The following POLG2 variants were observed in gnomAD, a reference collection of about 807,000 sequenced individuals.
POLG2 encodes DNA polymerase gamma 2, accessory subunit, also known as DNA polymerase subunit gamma-2.
A neutral mutation model predicts 56.5 loss-of-function variants in POLG2; 50 were observed. The ratio of observed to expected loss-of-function variants is 0.88; its 90% CI spans 0.71 to 1.12. POLG2 has a LOEUF of 1.12. Among genes scored for constraint, POLG2 ranks in the 50% most tolerant of loss-of-function variants. The pLI, the probability that POLG2 is intolerant of heterozygous loss-of-function variation, is 0.00. For missense variants in POLG2, 584 were observed against 583.3 expected, an observed-to-expected ratio of 1.00 and a Z score of -0.01; for synonymous variants, 226 against 222.6, an observed-to-expected ratio of 1.02 and a Z score of -0.14.
chr17:64,485,853 T>G lies in POLG2; in HGVS notation c.985A>C (p.Lys329Gln). Reference sequence around the variant, plus strand: ...GAGAGAACACAAGGAACCACATTTTTTCGTCCATCTCGGCCCTTCACAGAA... The same window carrying G: ...GAGAGAACACAAGGAACCACATTTTGTCGTCCATCTCGGCCCTTCACAGAA... The part of the protein sequence containing the change: ...VSKLHGRDGR[K>Q]NVVPCVLSVN... Residue 329 changes from lysine to glutamine, a missense_variant, in exon 5 of 8, where the codon AAA becomes CAA. Lys to Gln is a moderately conservative substitution (Grantham distance 53, BLOSUM62 1). Coordinates refer to ENST00000539111, the MANE Select transcript of POLG2 (RefSeq NM_007215.4). The G allele has an allele frequency of 6.2e-7, 1 of 1,614,154 alleles. No individual in the cohort carries two copies. Among genetic ancestry groups the G allele is most frequent in the East Asian group, 2.2e-5 (1 of 44,884 alleles).
Position 64,480,362 on chromosome 17 carries a change from G to GT in POLG2, c.1218dup (p.Leu407ThrfsTer27). On this transcript the variant is annotated frameshift_variant, in exon 7 of 8. Coordinates refer to ENST00000539111, the MANE Select transcript of POLG2 (RefSeq NM_007215.4). LOFTEE classifies it high-confidence loss of function. Reference sequence around the variant, plus strand: ...GGCCACACAGAAATCCCATTTTCTAGTAACTCATTAAATAGCCCTTGACAA... The same window carrying GT: ...GGCCACACAGAAATCCCATTTTCTAGTTAACTCATTAAATAGCCCTTGACAA... 6.3e-7 allele frequency: 1 copy of GT among 1,589,818 alleles called. No individual in the cohort carries two copies. The highest frequency in any genetic ancestry group is 8.6e-7 in the Non-Finnish European group (1 of 1,159,738).
intron 3 of POLG2, 151 bp from the exon 4 acceptor site, chr17:64,491,120 A>T: frequency 1.5e-6 from 1 of 685,760 alleles, no homozygotes; most frequent in Non-Finnish European, 2.5e-6. Context: ...TTTAAAGTTT[A>T]TTCTAATTTA....
rs1555668835 is a variant in POLG2 at position 64,492,951 on chromosome 17, A to T, written c.633T>A (p.Ile211=). 1.2e-6 allele frequency: 2 copies of T among 1,613,960 alleles called. No individual in the cohort carries two copies. Among genetic ancestry groups the T allele is most frequent in the Non-Finnish European group, 1.7e-6 (2 of 1,179,916 alleles). The change falls in exon 2 of 8, where the codon ATT becomes ATA. Residue 211 remains isoleucine (I), a synonymous_variant. Coordinates refer to ENST00000539111, the MANE Select transcript of POLG2 (RefSeq NM_007215.4). ...NKRLPYGLAQ[I]GVCFHPVFDT... ...CAAAAACAGGATGAAAACACACTCC[A>T]ATCTGAGCAAGGCCATAAGGTAGCC...
At chr17:64,492,855 T>C (rs782080890) in intron 2 of POLG2, 40 bp downstream of exon 2, 2 of 1,611,682 alleles carry the variant, frequency 1.2e-6, no homozygotes, top group East Asian at 4.5e-5. Flanking sequence ...GGTTTTTGAC[T>C]ATTTAAATAC....
chr17:64,496,279 A>C, intron 1 of POLG2, 128 bp downstream of exon 1: 1 of 669,366 alleles, frequency 1.5e-6, no homozygotes, highest in African/African-American at 1.8e-5. Context: ...CGACTACTTC[A>C]AAAAGATGAG....
chr17:64,489,931 G>T (rs1250183177), intron 4 of POLG2, among the ~76,000 whole-genome samples: 17 of 143,478 alleles, frequency 1.2e-4, no homozygotes, highest in Non-Finnish European at 1.5e-4. Flanking sequence ...TAATTTTTTT[G>T]TTTTTTTTTT....
chr17:64,496,690 A>ATT lies in POLG2; in HGVS notation c.278_279insAA (p.Ser93ArgfsTer13). Reference sequence around the variant, plus strand: ...AGGGTCCGAAGCCGGGGTGGCACCCACTCAGAAGAGAATCCCGGCTAAGCT... The same window carrying ATT: ...AGGGTCCGAAGCCGGGGTGGCACCCATTCTCAGAAGAGAATCCCGGCTAAGCT... On this transcript the variant is annotated frameshift_variant, in exon 1 of 8. Transcript: ENST00000539111. LOFTEE classifies it high-confidence loss of function. 1 of 1,613,956 alleles carries ATT rather than the reference A, an allele frequency of 6.2e-7. No individual in the cohort carries two copies. The highest frequency in any genetic ancestry group is 8.5e-7 in the Non-Finnish European group (1 of 1,179,978).
chr17:64,478,672 C>T (rs1555665940), intron 7 of POLG2, among the ~76,000 whole-genome samples: 1 of 151,680 alleles, frequency 6.6e-6, no homozygotes, highest in Non-Finnish European at 1.5e-5. Flanking sequence ...CTGAGATGGG[C>T]GGATCATGAG....
chr17:64,481,453 C>T (rs747551800), intron 6 of POLG2: 20 of 981,866 alleles, frequency 2.0e-5, no homozygotes, highest in Non-Finnish European at 2.4e-5. Flanking sequence ...GTCTCTGGAA[C>T]GAAATGAAAG....
Position 64,482,899 on chromosome 17 carries a change from T to C in POLG2, c.1191+20A>G. ...TACTCAATCTGTAATTAAAATGACATTTAAACTCATTTAACTCACCTGTCT... is the reference window on the plus strand; with the variant it reads ...TACTCAATCTGTAATTAAAATGACACTTAAACTCATTTAACTCACCTGTCT... On this transcript the variant is annotated intron_variant, in intron 6 of 7. Transcript: ENST00000539111. 1 of 1,335,044 alleles carries C rather than the reference T, an allele frequency of 7.5e-7. No individual in the cohort carries two copies. Among genetic ancestry groups the C allele is most frequent in the Non-Finnish European group, 1.1e-6 (1 of 943,636 alleles). 82.7% of individuals were successfully genotyped at this position (1,335,044 alleles called of 1,614,324 possible).
intron 4 of POLG2, among the ~76,000 whole-genome samples, chr17:64,489,206 A>C (rs1184066540): frequency 2.0e-5 from 3 of 151,688 alleles, no homozygotes; most frequent in Non-Finnish European, 4.4e-5. Context: ...GGACAATTTG[A>C]CCATCAAAAT....
chr17:64,481,520 C>G (rs1470055006), intron 6 of POLG2: 2 of 506,572 alleles, frequency 3.9e-6, no homozygotes, highest in Non-Finnish European at 2.5e-6. Flanking sequence ...TTAGAAAAAT[C>G]AAAATAAAAT....
intron 4 of POLG2, 51 bp downstream of exon 4, chr17:64,490,745 A>AT (rs2038043701): frequency 7.0e-7 from 1 of 1,418,852 alleles, no homozygotes. Context: ...TTCGGAAATG[A>AT]TTATAGAGAA....
At chr17:64,495,659 CTT>C (rs1332425428) in intron 1 of POLG2, among the ~76,000 whole-genome samples, 3 of 152,192 alleles carry the variant, frequency 2.0e-5, no homozygotes, top group African/African-American at 7.2e-5. Flanking sequence ...CATATTATCT[CTT>C]CTTTTACAAT....
At chr17:64,479,583 TA>T (rs1207250131) in intron 7 of POLG2, among the ~76,000 whole-genome samples, 8 of 151,756 alleles carry the variant, frequency 5.3e-5, no homozygotes, top group East Asian at 1.9e-4. Flanking sequence ...ACAAAAAGCT[TA>T]AAAAAAATAA....
At position 64,496,492 on chromosome 17, in the gene POLG2, G is replaced by GT. The variant is rs2038154042; in HGVS notation, c.476dup (p.Asp159GlufsTer6). ...CTAGCTGTTCCTTACTCAGCTCTTT[G>GT]TCTTGCAAGATTTCGCGTAGAGTTT... On this transcript the variant is annotated frameshift_variant, in exon 1 of 8. Transcript: ENST00000539111. LOFTEE classifies it high-confidence loss of function. 6.2e-7 allele frequency: 1 copy of GT among 1,612,800 alleles called. No individual in the cohort carries two copies. Among genetic ancestry groups the GT allele is most frequent in the East Asian group, 2.2e-5 (1 of 44,834 alleles).
chr17:64,485,372 C>A, intron 5 of POLG2: 1 of 276,670 alleles, frequency 3.6e-6, no homozygotes. Flanking sequence ...AGGTCAATAG[C>A]ACAGGTCTCC....
chr17:64,485,953 C>T, intron 4 of POLG2, 85 bp from the exon 5 acceptor site: 1 of 1,375,802 alleles, frequency 7.3e-7, no homozygotes, highest in Non-Finnish European at 1.0e-6. Flanking sequence ...CACTCTGTCA[C>T]CTGGCCAGGC....
chr17:64,488,833 T>C (rs2038003238), intron 4 of POLG2, among the ~76,000 whole-genome samples: 1 of 152,096 alleles, frequency 6.6e-6, no homozygotes, highest in African/African-American at 2.4e-5. Flanking sequence ...CCGGGCGTGG[T>C]GGCGCACACC....
Sources: gnomAD v4.1 joint callset for allele counts (sites outside exome capture counted in the v4.1 genomes callset) on GRCh38, gnomAD v4.1.1 for gene constraint, MANE v1.5 for transcripts, NCBI Gene and HGNC (gene_info 2026-07-23, HGNC 2026-07-21) for gene names.